The following ANXA2 variants were observed in gnomAD, a reference collection of about 807,000 sequenced individuals.
ANXA2 encodes annexin II.
In ANXA2, 28 loss-of-function variants were observed where a neutral mutation model predicts 47.3. The observed-to-expected ratio is 0.59, with a 90% CI of 0.44 to 0.81. The LOEUF is 0.81. ANXA2 is among the 40% of genes least tolerant of loss of function. The probability of loss-of-function intolerance (pLI) is 0.00; values close to 1 mark genes in which losing one functional copy is unlikely to be tolerated. For synonymous variants in ANXA2, 172 were observed against 155.5 expected (o/e 1.11, Z -0.79); for missense variants, 384 against 414.3 (o/e 0.93, Z 0.64).
chr15:60,393,785 CCCACAGGGTTT>C, intron 1 of ANXA2: 1 of 789,524 alleles, frequency 1.3e-6, no homozygotes, highest in Non-Finnish European at 1.5e-6. Flanking sequence ...GTATTATCCG[CCCACAGGGTTT>C]CCAACTTAAC....
At chr15:60,365,166 T>A (rs1368471210) in intron 3 of ANXA2, among the ~76,000 whole-genome samples, 1 of 151,614 alleles carries the variant, frequency 6.6e-6, no homozygotes, top group Non-Finnish European at 1.5e-5. Context: ...ATTTTAATAA[T>A]TAATTTTATA....
chr15:60,379,071 G>A (rs1006137636), intron 3 of ANXA2, among the ~76,000 whole-genome samples: 1 of 151,870 alleles, frequency 6.6e-6, no homozygotes, highest in South Asian at 2.1e-4. Context: ...ACGAGGTCAG[G>A]AGTTCAAGAC....
In ANXA2 at chr15:60,393,140, G is replaced by A. The variant is rs568993847; in HGVS notation, c.-12+4803C>T. 6.3e-5 allele frequency: 81 copies of A among 1,280,764 alleles called. 1 individual carries two copies. The South Asian group carries it at 8.7e-4, about 14-fold the overall frequency. The allele number at this position is 1,280,764 out of a possible 1,614,324, so 79.3% of individuals were successfully genotyped here. On this transcript the variant is annotated intron_variant, in intron 1 of 12. Transcript: ENST00000451270. ...CAGAATTCCTGGAATTCGGCCCAGT[G>A]ACCTCGATCAAACTGAGCAGGAGGG...
intron 3 of ANXA2, among the ~76,000 whole-genome samples, chr15:60,376,004 T>C (rs553880608): frequency 6.6e-6 from 1 of 152,252 alleles, no homozygotes; most frequent in African/African-American, 2.4e-5. Context: ...AGGCATGCTC[T>C]GTAGAGGGCC....
At chr15:60,349,822 A>AAGGGAGGGAGGGGAAGGC (rs1895909633) in intron 11 of ANXA2, among the ~76,000 whole-genome samples, 2 of 129,662 alleles carry the variant, frequency 1.5e-5, no homozygotes, top group Non-Finnish European at 3.2e-5. Flanking sequence ...AAAGGAAGGA[A>AAGGGAGGGAGGGGAAGGC]AGGGAGGGAG....
At position 60,351,229 on chromosome 15, in the gene ANXA2, G is replaced by A; in HGVS notation, c.801C>T (p.Pro267=). Residue 267 remains proline, a synonymous_variant, in exon 11 of 13, where the codon CCC becomes CCT. Transcript: ENST00000451270. ...LNLVQCIQNK[P]LYFADRLYDS... Reference sequence around the variant, plus strand: ...CATACAGCCGATCAGCAAAATACAGGGGCTTGTTCTGAATGCACTGAACTG... The same window carrying A: ...CATACAGCCGATCAGCAAAATACAGAGGCTTGTTCTGAATGCACTGAACTG... 6.2e-7 allele frequency: 1 copy of A among 1,614,176 alleles called. No individual in the cohort carries two copies. Among genetic ancestry groups the A allele is most frequent in the East Asian group, 2.2e-5 (1 of 44,882 alleles).
At chr15:60,390,352 C>A in intron 1 of ANXA2, 1 of 803,638 alleles carries the variant, frequency 1.2e-6, no homozygotes, top group South Asian at 2.0e-5. Context: ...CCTCCCATGC[C>A]GATAGCATTC....
At chr15:60,390,340 T>G in intron 1 of ANXA2, 10 of 819,516 alleles carry the variant, frequency 1.2e-5, no homozygotes, top group Non-Finnish European at 1.3e-5. Context: ...TATGGCCACT[T>G]TCCTCCCATG....
chr15:60,392,491 A>G (rs1275240976), intron 1 of ANXA2, among the ~76,000 whole-genome samples: 4 of 138,516 alleles, frequency 2.9e-5, no homozygotes, highest in African/African-American at 7.9e-5. Context: ...GGACAAGTGA[A>G]GCAGTTTTAA....
intron 5 of ANXA2, among the ~76,000 whole-genome samples, chr15:60,359,903 G>A (rs936103451): frequency 6.6e-6 from 1 of 152,186 alleles, no homozygotes. Flanking sequence ...CTAAGAAAAG[G>A]GTCCAAATGT....
chr15:60,366,384 C>T (rs1418477186), intron 3 of ANXA2, among the ~76,000 whole-genome samples: 2 of 150,740 alleles, frequency 1.3e-5, no homozygotes, highest in Non-Finnish European at 3.0e-5. Flanking sequence ...CCGCCGCCAT[C>T]CCATCTAGGA....
intron 1 of ANXA2, chr15:60,393,256 T>G: frequency 1.0e-5 from 11 of 1,049,336 alleles, no homozygotes; most frequent in Non-Finnish European, 1.3e-5. Flanking sequence ...AGCTTCATGC[T>G]CTCACAGCCT....
chr15:60,361,906 CTT>C (rs552103518), intron 4 of ANXA2, among the ~76,000 whole-genome samples: 2 of 146,202 alleles, frequency 1.4e-5, no homozygotes. Context: ...CTTCTTTTCG[CTT>C]TTTTTTTTTT....
intron 2 of ANXA2, chr15:60,384,432 T>C (rs2062906060): frequency 6.6e-6 from 1 of 152,240 alleles, no homozygotes; most frequent in African/African-American, 2.4e-5. Flanking sequence ...ATGAAATTAG[T>C]GAGACAAAGT....
At chr15:60,360,909 T>C (rs761070027) in intron 5 of ANXA2, 32 bp downstream of exon 5, 1 of 1,358,708 alleles carries the variant, frequency 7.4e-7, no homozygotes, top group South Asian at 1.2e-5. Flanking sequence ...TAATAGCAGA[T>C]TTGACAGAGA....
chr15:60,348,489 C>A (rs953150273), intron 12 of ANXA2, among the ~76,000 whole-genome samples: 27 of 152,246 alleles, frequency 1.8e-4, no homozygotes, highest in Middle Eastern at 3.4e-3. Flanking sequence ...TCACGCCTGT[C>A]ATCCCAGCAC....
intron 5 of ANXA2, among the ~76,000 whole-genome samples, chr15:60,357,541 C>T (rs887350700): frequency 2.0e-5 from 3 of 151,986 alleles, no homozygotes; most frequent in Non-Finnish European, 4.4e-5. Context: ...CGCCTGTAAT[C>T]CCAGCACTTT....
chr15:60,351,941 G>A, intron 9 of ANXA2, 122 bp from the exon 10 acceptor site: 1 of 704,078 alleles, frequency 1.4e-6, no homozygotes. Flanking sequence ...AGCATCCTAG[G>A]AGCTTAGAGG....
chr15:60,394,046 G>A (rs2063049408), intron 1 of ANXA2, among the ~76,000 whole-genome samples: 2 of 152,108 alleles, frequency 1.3e-5, no homozygotes, highest in South Asian at 4.1e-4. Context: ...GCAAATCTTA[G>A]CAAAGCCCAG....
Sources: allele counts gnomAD v4.1 joint callset (sites outside exome capture counted in the v4.1 genomes callset), GRCh38; gene constraint gnomAD v4.1.1; transcripts MANE v1.5; gene names NCBI Gene and HGNC (gene_info 2026-07-23, HGNC 2026-07-21).